MPP7: variants seen among roughly 807,000 people sequenced by gnomAD.
MPP7 encodes the protein MAGUK p55 scaffold protein 7.
In MPP7, 60 loss-of-function variants were observed where a neutral mutation model predicts 76.5. The observed-to-expected ratio is 0.78, with a 90% CI of 0.64 to 0.97. The LOEUF (loss-of-function observed/expected upper bound fraction) is 0.97, where lower values mean the gene tolerates loss of function less well. MPP7 is among the 50% of genes least tolerant of loss of function. The pLI, the probability that MPP7 is intolerant of heterozygous loss-of-function variation, is 0.00. For synonymous variants in MPP7, 237 were observed against 244.5 expected (o/e 0.97, Z 0.29); for missense variants, 641 against 694.0 (o/e 0.92, Z 0.86).
At chr10:28,292,386 T>C (rs1840941674) in intron 1 of MPP7, among the ~76,000 whole-genome samples, 1 of 151,908 alleles carries the variant, frequency 6.6e-6, no homozygotes, top group South Asian at 2.1e-4. Context: ...AAAAATGGCA[T>C]TCACAGTAGA....
At chr10:28,283,586 C>T (rs922657600) in intron 1 of MPP7, among the ~76,000 whole-genome samples, 3 of 152,024 alleles carry the variant, frequency 2.0e-5, no homozygotes, top group African/African-American at 7.3e-5. Flanking sequence ...GCAATCTCAG[C>T]TCACTGCAGC....
chr10:28,159,807 A>G (rs1836196328), intron 3 of MPP7, among the ~76,000 whole-genome samples: 1 of 152,152 alleles, frequency 6.6e-6, no homozygotes, highest in South Asian at 2.1e-4. Flanking sequence ...TGCATTCTAC[A>G]TGGCGCTTAC....
chr10:28,270,132 G>A (rs1299749765), intron 1 of MPP7, among the ~76,000 whole-genome samples: 3 of 152,300 alleles, frequency 2.0e-5, no homozygotes, highest in South Asian at 4.1e-4. Context: ...CTAAGATGGC[G>A]CGTTAAAAGA....
At chr10:28,202,533 C>A (rs554540496) in intron 2 of MPP7, among the ~76,000 whole-genome samples, 4 of 152,272 alleles carry the variant, frequency 2.6e-5, no homozygotes, top group African/African-American at 9.6e-5. Flanking sequence ...TAATCCGAGA[C>A]AGAAAATGTG....
At chr10:28,132,074 G>A (rs1835211812) in intron 5 of MPP7, among the ~76,000 whole-genome samples, 1 of 152,176 alleles carries the variant, frequency 6.6e-6, no homozygotes, top group South Asian at 2.1e-4. Flanking sequence ...GGCTAAAGAT[G>A]CAATGTCAAA....
intron 3 of MPP7, among the ~76,000 whole-genome samples, chr10:28,183,954 T>C (rs983359595): frequency 2.0e-5 from 3 of 152,148 alleles, no homozygotes; most frequent in African/African-American, 4.8e-5. Flanking sequence ...GGTGACTTAA[T>C]ATGTTCCAGA....
chr10:28,316,679 T>G (rs1437463472), intron 2 of MPP7, among the ~76,000 whole-genome samples: 3 of 152,116 alleles, frequency 2.0e-5, no homozygotes, highest in African/African-American at 7.2e-5. Flanking sequence ...TTTAAACAGA[T>G]GATATATACG....
At chr10:28,310,675 A>G (rs1480168881) in intron 2 of MPP7, among the ~76,000 whole-genome samples, 2 of 152,200 alleles carry the variant, frequency 1.3e-5, no homozygotes, top group Non-Finnish European at 2.9e-5. Context: ...TGCTAATTCA[A>G]TGCTTCTTAA....
At chr10:28,285,714 G>A (rs1022301962) in intron 1 of MPP7, among the ~76,000 whole-genome samples, 6 of 152,106 alleles carry the variant, frequency 3.9e-5, no homozygotes, top group African/African-American at 7.2e-5. Flanking sequence ...CACCACCTAC[G>A]AAGTAGTTTT....
intron 3 of MPP7, among the ~76,000 whole-genome samples, chr10:28,201,841 T>C (rs1837781920): frequency 6.6e-6 from 1 of 152,200 alleles, no homozygotes; most frequent in Admixed American, 6.5e-5. Flanking sequence ...TTTATTTAAG[T>C]TAAATTCCAG....
chr10:28,065,717 T>C (rs11006826), intron 13 of MPP7, among the ~76,000 whole-genome samples: 24,567 of 152,130 alleles, frequency 0.16, 2,947 homozygotes, highest in East Asian at 0.62. Flanking sequence ...CTAGTTATAA[T>C]GCCTTTTTTT....
intron 1 of MPP7, among the ~76,000 whole-genome samples, chr10:28,274,705 A>G (rs1162192395): frequency 6.6e-6 from 1 of 152,176 alleles, no homozygotes; most frequent in Non-Finnish European, 1.5e-5. Context: ...ACTACATAGG[A>G]GGCTGCCTGG....
intron 1 of MPP7, chr10:28,282,107 G>C (rs1243975296): frequency 6.6e-6 from 1 of 152,088 alleles, no homozygotes; most frequent in Non-Finnish European, 1.5e-5. Context: ...CCTGTAAAAG[G>C]AAGTGCACAG....
At chr10:28,240,179 T>A (rs772106251) in intron 1 of MPP7, among the ~76,000 whole-genome samples, 1 of 152,106 alleles carries the variant, frequency 6.6e-6, no homozygotes, top group Non-Finnish European at 1.5e-5. Flanking sequence ...CAATTCTCTA[T>A]AAAGCAAATT....
At chr10:28,085,044 GT>G (rs756687162) in intron 12 of MPP7, among the ~76,000 whole-genome samples, 1 of 152,126 alleles carries the variant, frequency 6.6e-6, no homozygotes, top group South Asian at 2.1e-4. Flanking sequence ...AAGCAAGGAG[GT>G]ATCTGTCAGG....
intron 1 of MPP7, among the ~76,000 whole-genome samples, chr10:28,263,982 A>G (rs187375923): frequency 6.6e-6 from 1 of 152,198 alleles, no homozygotes; most frequent in Non-Finnish European, 1.5e-5. Flanking sequence ...AGATAGGCAC[A>G]GTTTCAGGAA....
chr10:28,103,551 T>A (rs1355460258), intron 11 of MPP7, among the ~76,000 whole-genome samples: 1 of 152,110 alleles, frequency 6.6e-6, no homozygotes, highest in Non-Finnish European at 1.5e-5. Context: ...TTTCCCCAGC[T>A]CCCTCATCAC....
At chr10:28,073,029 T>G (rs1171373391) in intron 12 of MPP7, among the ~76,000 whole-genome samples, 1 of 152,204 alleles carries the variant, frequency 6.6e-6, no homozygotes, top group Non-Finnish European at 1.5e-5. Context: ...ACATCACGCA[T>G]TCCTGGTCTC....
At chr10:28,303,638 T>A (rs1841218818), upstream of MPP7, among the ~76,000 whole-genome samples, 1 of 152,240 alleles carries the variant, frequency 6.6e-6, no homozygotes. Context: ...GTGTTCCATA[T>A]TGAACATGTA....
Sources: allele counts gnomAD v4.1 joint callset (sites outside exome capture counted in the v4.1 genomes callset), GRCh38; gene constraint gnomAD v4.1.1; transcripts MANE v1.5; gene names NCBI Gene and HGNC (gene_info 2026-07-23, HGNC 2026-07-21).